Variants in WDR41 observed in about 807,000 individuals in gnomAD.
WDR41 encodes WD repeat-containing protein 41.
Under a neutral mutation model 69.3 loss-of-function variants are expected in WDR41, and 63 were observed. The ratio of observed to expected loss-of-function variants is 0.91; its 90% CI spans 0.74 to 1.12. WDR41 has a LOEUF of 1.12. Ranked by LOEUF, WDR41 falls within the 50% of genes most tolerant of loss-of-function variation. The pLI, the probability that WDR41 is intolerant of heterozygous loss-of-function variation, is 0.00. For missense variants in WDR41, 543 were observed against 534.5 expected, an observed-to-expected ratio of 1.02 and a Z score of -0.16; for synonymous variants, 185 against 192.1, an observed-to-expected ratio of 0.96 and a Z score of 0.31.
rs778827315 is a variant in WDR41, at chr5:77,438,196, T to C, written c.1004+44A>G. 78 of 1,611,656 alleles carry C rather than the reference T, an allele frequency of 4.8e-5. 1 individual carries two copies. In the South Asian group the frequency reaches 8.3e-4, roughly 17 times the overall value. ...AAATTACACTGGTAGCCCTGGGAAC[T>C]GTGACTTGCTTTCATCTATTGCAGA... On this transcript the variant is annotated intron_variant, in intron 10 of 12. Transcript: ENST00000296679.
intron 10 of WDR41, among the ~76,000 whole-genome samples, chr5:77,437,741 T>C (rs1799001553): frequency 6.6e-6 from 1 of 152,162 alleles, no homozygotes; most frequent in Non-Finnish European, 1.5e-5. Context: ...GCTACCTCTC[T>C]TCTCTGGGTG....
chr5:77,499,832 C>T (rs941876052), intron 1 of WDR41, among the ~76,000 whole-genome samples: 1 of 151,890 alleles, frequency 6.6e-6, no homozygotes, highest in East Asian at 1.9e-4. Context: ...TGCCTGGGCC[C>T]GAGACTAATT....
chr5:77,464,274 CTTTTTTTTTT>C (rs71606297), intron 3 of WDR41, among the ~76,000 whole-genome samples: 1 of 94,204 alleles, frequency 1.1e-5, no homozygotes, highest in Non-Finnish European at 2.0e-5. Flanking sequence ...TAGGAAAAAA[CTTTTTTTTTT>C]TTTTTTTTTT....
intron 1 of WDR41, among the ~76,000 whole-genome samples, chr5:77,611,956 G>A (rs1170581573): frequency 2.6e-5 from 4 of 151,902 alleles, no homozygotes; most frequent in Non-Finnish European, 5.9e-5. Context: ...ATGAAAAAGG[G>A]GATATCACCA....
chr5:77,443,422 T>A (rs913530045), intron 8 of WDR41, among the ~76,000 whole-genome samples: 11 of 152,184 alleles, frequency 7.2e-5, no homozygotes, highest in African/African-American at 2.7e-4. Flanking sequence ...TTACCAGCAA[T>A]CCTACATGTA....
intron 1 of WDR41, among the ~76,000 whole-genome samples, chr5:77,541,246 C>T (rs1033830782): frequency 6.6e-6 from 1 of 151,932 alleles, no homozygotes; most frequent in African/African-American, 2.4e-5. Flanking sequence ...GGAACTTAAA[C>T]AAATTTACAA....
At position 77,620,500 on chromosome 5, in the gene WDR41, T is replaced by TG. The variant is rs1262409008; in HGVS notation, c.20dup (p.Ser8LysfsTer7). ...ATACCTCACCAGTTTCCCCTGGACT[T>TG]GAACAATTAGCTTCATGCATACATA... On this transcript the variant is annotated frameshift_variant, in exon 1 of 6. Transcript: ENST00000509971. LOFTEE classifies it high-confidence loss of function. 17 of 386,154 alleles carry TG rather than the reference T, an allele frequency of 4.4e-5. No individual in the cohort carries two copies. Among genetic ancestry groups the TG allele is most frequent in the Non-Finnish European group, 7.5e-5 (15 of 198,884 alleles). The allele number at this position is 386,154 out of a possible 1,614,324, so 23.9% of individuals were successfully genotyped here.
chr5:77,527,809 T>A (rs1300779671), intron 1 of WDR41, among the ~76,000 whole-genome samples: 1 of 151,748 alleles, frequency 6.6e-6, no homozygotes, highest in Non-Finnish European at 1.5e-5. Flanking sequence ...TCCATCTATG[T>A]GGAAAATAAG....
intron 1 of WDR41, among the ~76,000 whole-genome samples, chr5:77,504,359 C>A (rs889584798): frequency 6.6e-6 from 1 of 152,098 alleles, no homozygotes; most frequent in Non-Finnish European, 1.5e-5. Flanking sequence ...CAATAACAGG[C>A]TCTGAAATTG....
intron 1 of WDR41, among the ~76,000 whole-genome samples, chr5:77,501,416 C>T (rs1423025108): frequency 6.6e-6 from 1 of 152,266 alleles, no homozygotes; most frequent in Non-Finnish European, 1.5e-5. Flanking sequence ...GCAAGGCCTA[C>T]TGCCTCTATA....
At chr5:77,477,281 C>A (rs550574566) in intron 2 of WDR41, among the ~76,000 whole-genome samples, 7 of 151,160 alleles carry the variant, frequency 4.6e-5, no homozygotes, top group African/African-American at 1.7e-4. Flanking sequence ...AGAAAGCCAA[C>A]AAGGATACCC....
intron 1 of WDR41, among the ~76,000 whole-genome samples, chr5:77,507,756 T>C (rs1802133992): frequency 6.6e-6 from 1 of 152,196 alleles, no homozygotes; most frequent in South Asian, 2.1e-4. Flanking sequence ...TTATTCTACT[T>C]AGAGTTTATT....
intron 1 of WDR41, among the ~76,000 whole-genome samples, chr5:77,505,494 T>C (rs112677969): frequency 0.064 from 9,687 of 152,058 alleles, 618 homozygotes; most frequent in East Asian, 0.26. Context: ...ATCAAGCTAC[T>C]GATGACTTTC....
chr5:77,571,920 G>T (rs776671288), intron 1 of WDR41, among the ~76,000 whole-genome samples: 21 of 152,086 alleles, frequency 1.4e-4, no homozygotes, highest in Non-Finnish European at 2.4e-4. Flanking sequence ...AAGAAATTGG[G>T]TTAATATTTG....
chr5:77,573,436 C>T (rs768749891), intron 1 of WDR41, among the ~76,000 whole-genome samples: 11 of 152,022 alleles, frequency 7.2e-5, no homozygotes, highest in African/African-American at 1.9e-4. Context: ...CCACTCATAC[C>T]GGAATTAGAG....
At chr5:77,463,274 A>T in intron 3 of WDR41, 48 bp from the exon 4 acceptor site, 3 of 1,540,282 alleles carry the variant, frequency 1.9e-6, no homozygotes, top group Non-Finnish European at 2.6e-6. Flanking sequence ...CACAATTTAG[A>T]TAATCATAAA....
In WDR41 at chr5:77,433,265, T is replaced by C; in HGVS notation, c.1250A>G (p.His417Arg). ...SVEMFLYFEDHGLVTCSADHL... is the reference protein window; with the variant it reads ...SVEMFLYFEDRGLVTCSADHL... ...ATCAGCGGAGCACGTCACTAGTCCA[T>C]GATCTTCAAAGTATAGAAACATCTG... The change falls in exon 13 of 13, where the codon CAT becomes CGT. Residue 417 changes from histidine (H) to arginine (R), a missense_variant. His to Arg is a conservative substitution (Grantham distance 29, BLOSUM62 0). Transcript: ENST00000296679. 1 of 1,613,034 alleles carries C rather than the reference T, an allele frequency of 6.2e-7. No individual in the cohort carries two copies. The highest frequency in any genetic ancestry group is 8.5e-7 in the Non-Finnish European group (1 of 1,179,732).
intron 1 of WDR41, among the ~76,000 whole-genome samples, chr5:77,555,601 C>T (rs574673577): frequency 6.6e-5 from 10 of 152,252 alleles, no homozygotes; most frequent in Admixed American, 1.3e-4. Flanking sequence ...TGAGCCACCC[C>T]GCCTAGCCTG....
intron 2 of WDR41, among the ~76,000 whole-genome samples, chr5:77,468,862 G>T (rs1359102844): frequency 1.3e-5 from 2 of 152,046 alleles, no homozygotes; most frequent in Non-Finnish European, 2.9e-5. Flanking sequence ...GTAAGACGCA[G>T]GATCTAAATA....
Sources: gnomAD v4.1 joint callset for allele counts (sites outside exome capture counted in the v4.1 genomes callset) on GRCh38, gnomAD v4.1.1 for gene constraint, MANE v1.5 for transcripts, NCBI Gene and HGNC (gene_info 2026-07-23, HGNC 2026-07-21) for gene names.